Variants in GRM1 observed in about 807,000 individuals in gnomAD.
The protein encoded by GRM1 is glutamate metabotropic receptor 1.
Under a neutral mutation model 90.9 loss-of-function variants are expected in GRM1, and 33 were observed. The observed-to-expected ratio is 0.36, with a 90% CI of 0.28 to 0.49. The LOEUF (loss-of-function observed/expected upper bound fraction) is 0.49, where lower values mean the gene tolerates loss of function less well. Ranked by LOEUF, GRM1 falls within the 20% of genes least tolerant of loss-of-function variation. The probability of loss-of-function intolerance (pLI) is 0.99; values close to 1 mark genes in which losing one functional copy is unlikely to be tolerated. For synonymous variants in GRM1, 700 were observed against 613.2 expected (o/e 1.14, Z -2.09); for missense variants, 1,190 against 1,534.3 (o/e 0.78, Z 3.75).
intron 7 of GRM1, among the ~76,000 whole-genome samples, chr6:146,404,344 G>A (rs1441477938): frequency 1.3e-5 from 2 of 151,992 alleles, no homozygotes; most frequent in East Asian, 1.9e-4. Context: ...ATATATATAA[G>A]AGGCAGGCCC....
intron 1 of GRM1, among the ~76,000 whole-genome samples, chr6:146,153,049 A>G (rs1198818985): frequency 3.3e-5 from 5 of 152,114 alleles, no homozygotes; most frequent in Non-Finnish European, 7.4e-5. Flanking sequence ...TGGGTGTACT[A>G]TCTTCAGCCT....
intron 1 of GRM1, among the ~76,000 whole-genome samples, chr6:146,133,816 A>G (rs140003124): frequency 1.3e-5 from 2 of 152,362 alleles, no homozygotes; most frequent in African/African-American, 4.8e-5. Flanking sequence ...TGTGGAACCA[A>G]AGCACGTTAG....
At chr6:146,148,450 A>T (rs1198538135) in intron 1 of GRM1, among the ~76,000 whole-genome samples, 1 of 152,166 alleles carries the variant, frequency 6.6e-6, no homozygotes, top group Non-Finnish European at 1.5e-5. Context: ...CTGACATTTA[A>T]AAATATGACA....
intron 7 of GRM1, among the ~76,000 whole-genome samples, chr6:146,414,118 A>G (rs1777672157): frequency 6.6e-6 from 1 of 152,176 alleles, no homozygotes; most frequent in Non-Finnish European, 1.5e-5. Flanking sequence ...CTTATAAGAA[A>G]TTGCCAAACA....
intron 2 of GRM1, among the ~76,000 whole-genome samples, chr6:146,190,446 T>C (rs1778896588): frequency 6.6e-6 from 1 of 152,048 alleles, no homozygotes; most frequent in South Asian, 2.1e-4. Flanking sequence ...GAAAAAAGTT[T>C]CACTAAAAAT....
intron 7 of GRM1, among the ~76,000 whole-genome samples, chr6:146,422,962 G>A (rs1165176563): frequency 2.0e-5 from 3 of 151,336 alleles, no homozygotes; most frequent in African/African-American, 4.9e-5. Flanking sequence ...GAGAGGGAAA[G>A]GGAGAGGAGG....
At chr6:146,402,954 C>T (rs1411237281) in intron 7 of GRM1, among the ~76,000 whole-genome samples, 2 of 152,092 alleles carry the variant, frequency 1.3e-5, no homozygotes, top group African/African-American at 4.8e-5. Context: ...GAAGTCCCTT[C>T]AGGCATACTT....
intron 7 of GRM1, among the ~76,000 whole-genome samples, chr6:146,411,637 A>T (rs116599396): frequency 6.6e-6 from 1 of 152,184 alleles, no homozygotes; most frequent in Non-Finnish European, 1.5e-5. Flanking sequence ...GGAGACTGGT[A>T]CAGGGTCCAG....
At chr6:146,091,576 C>T (rs565503887) in intron 1 of GRM1, among the ~76,000 whole-genome samples, 1 of 152,046 alleles carries the variant, frequency 6.6e-6, no homozygotes, top group East Asian at 1.9e-4. Flanking sequence ...CAGGGAGCAG[C>T]CAGGGAATCC....
At chr6:146,333,233 G>C (rs1473698837) in intron 3 of GRM1, among the ~76,000 whole-genome samples, 1 of 152,124 alleles carries the variant, frequency 6.6e-6, no homozygotes, top group Non-Finnish European at 1.5e-5. Context: ...GCTGATAAGA[G>C]ACCATTACTG....
chr6:146,042,068 T>A (rs1240079071), intron 1 of GRM1, among the ~76,000 whole-genome samples: 1 of 152,016 alleles, frequency 6.6e-6, no homozygotes, highest in Non-Finnish European at 1.5e-5. Context: ...TCTCTCCAGT[T>A]GTTTTAGAAG....
chr6:146,122,039 G>A (rs766393093), intron 1 of GRM1, among the ~76,000 whole-genome samples: 2 of 152,152 alleles, frequency 1.3e-5, no homozygotes, highest in African/African-American at 2.4e-5. Flanking sequence ...GGGTGTTAAA[G>A]TCTCCCATTA....
At chr6:146,236,611 C>A (rs1302705001) in intron 2 of GRM1, among the ~76,000 whole-genome samples, 1 of 151,964 alleles carries the variant, frequency 6.6e-6, no homozygotes, top group Non-Finnish European at 1.5e-5. Flanking sequence ...ATAGGCTGGG[C>A]CCAGTATATA....
chr6:146,302,898 AAGGG>A (rs760605492), intron 2 of GRM1, among the ~76,000 whole-genome samples: 161 of 151,442 alleles, frequency 1.1e-3, no homozygotes, highest in Non-Finnish European at 1.1e-3. Context: ...CGAAGGGAGG[AAGGG>A]AGGGAGGGAG....
At chr6:146,129,729 A>G (rs372042955) in intron 1 of GRM1, among the ~76,000 whole-genome samples, 1 of 152,174 alleles carries the variant, frequency 6.6e-6, no homozygotes, top group African/African-American at 2.4e-5. Context: ...TTGCGTGGTC[A>G]TTATTAGGAT....
intron 2 of GRM1, among the ~76,000 whole-genome samples, chr6:146,275,502 GTTTA>G (rs1321995474): frequency 6.6e-6 from 1 of 151,906 alleles, no homozygotes; most frequent in Non-Finnish European, 1.5e-5. Flanking sequence ...TGCCCCTGTT[GTTTA>G]TTTCTCTCTC....
intron 1 of GRM1, among the ~76,000 whole-genome samples, chr6:146,151,696 G>C (rs573588731): frequency 3.7e-4 from 56 of 152,058 alleles, no homozygotes; most frequent in African/African-American, 1.3e-3. Flanking sequence ...ATCATACCGA[G>C]TTTAGAGAAC....
intron 2 of GRM1, among the ~76,000 whole-genome samples, chr6:146,186,895 A>G (rs996768077): frequency 2.0e-5 from 3 of 152,152 alleles, no homozygotes; most frequent in African/African-American, 7.2e-5. Context: ...GAGTTTTCCT[A>G]TTTGGAGTGC....
intron 1 of GRM1, among the ~76,000 whole-genome samples, chr6:146,131,792 C>A (rs1222817959): frequency 6.6e-6 from 1 of 152,136 alleles, no homozygotes; most frequent in African/African-American, 2.4e-5. Context: ...AGGCATCAAG[C>A]AAACAACCAC....
Sources: allele counts gnomAD v4.1 joint callset (sites outside exome capture counted in the v4.1 genomes callset), GRCh38; gene constraint gnomAD v4.1.1; transcripts MANE v1.5; gene names NCBI Gene and HGNC (gene_info 2026-07-23, HGNC 2026-07-21).